CFAP206: variants seen among roughly 807,000 people sequenced by gnomAD.
CFAP206 encodes the protein cilia and flagella associated protein 206, also known as cilia- and flagella-associated protein 206.
CFAP206 carries 53 observed loss-of-function variants against 65.4 expected under a neutral mutation model. The ratio of observed to expected loss-of-function variants is 0.81; its 90% CI spans 0.65 to 1.02. The LOEUF (loss-of-function observed/expected upper bound fraction) is 1.02, where lower values mean the gene tolerates loss of function less well. Among genes scored for constraint, CFAP206 ranks in the 50% least tolerant of loss-of-function variants. The probability of loss-of-function intolerance (pLI) is 0.00; values close to 1 mark genes in which losing one functional copy is unlikely to be tolerated. For synonymous variants in CFAP206, 250 were observed against 254.4 expected (o/e 0.98, Z 0.17); for missense variants, 663 against 753.2 (o/e 0.88, Z 1.40).
At chr6:87,438,783 TGGAGA>T (rs1768318305) in intron 11 of CFAP206, among the ~76,000 whole-genome samples, 1 of 152,198 alleles carries the variant, frequency 6.6e-6, no homozygotes, top group African/African-American at 2.4e-5. Context: ...TTAGTCTATT[TGGAGA>T]TAATAAAGGA....
chr6:87,454,855 A>AAAC (rs899868037), intron 11 of CFAP206, among the ~76,000 whole-genome samples: 2 of 150,366 alleles, frequency 1.3e-5, no homozygotes, highest in African/African-American at 4.9e-5. Context: ...AAAAAAAAAA[A>AAAC]AAAACAAAAC....
At chr6:87,441,612 C>T (rs1768361259) in intron 11 of CFAP206, 1 of 171,736 alleles carries the variant, frequency 5.8e-6, no homozygotes, top group Non-Finnish European at 1.2e-5. Context: ...TGGTCAAGCT[C>T]ACTATCAGAA....
intron 4 of CFAP206, among the ~76,000 whole-genome samples, chr6:87,415,115 G>A (rs1424555935): frequency 6.6e-6 from 1 of 151,958 alleles, no homozygotes; most frequent in Non-Finnish European, 1.5e-5. Context: ...GCATATCACA[G>A]GAGGAATGAG....
chr6:87,419,101 C>T (rs915154630), intron 7 of CFAP206, among the ~76,000 whole-genome samples: 1 of 150,312 alleles, frequency 6.7e-6, no homozygotes, highest in Admixed American at 6.6e-5. Flanking sequence ...AGACCCTGAC[C>T]CTGACTCAAA....
At position 87,428,677 on chromosome 6, in the gene CFAP206, A is replaced by G. The variant is rs1422585602; in HGVS notation, c.1012A>G (p.Ile338Val). The G allele has an allele frequency of 6.2e-7, 1 of 1,613,996 alleles. No homozygotes were observed. Among genetic ancestry groups the G allele is most frequent in the East Asian group, 2.2e-5 (1 of 44,858 alleles). ...GTGGACCAGCTTGCAAGACGAAACT[A>G]TTGTGGTTGGTGTCCTCAGTAATTT... The part of the protein sequence containing the change: ...TLWTSLQDET[I>V]VVGVLSNLFT... The change falls in exon 9 of 13, where the codon ATT (isoleucine) becomes GTT (valine). Residue 338 changes from isoleucine to valine, a missense_variant. Ile to Val is a conservative substitution (Grantham distance 29). Coordinates refer to ENST00000369562, the MANE Select transcript of CFAP206 (RefSeq NM_001031743.3).
chr6:87,423,601 G>C (rs1767987467), intron 7 of CFAP206, among the ~76,000 whole-genome samples: 1 of 152,190 alleles, frequency 6.6e-6, no homozygotes, highest in African/African-American at 2.4e-5. Flanking sequence ...CATGTCGAAT[G>C]CAACTTTTAT....
At chr6:87,457,022 T>C (rs146824639) in intron 11 of CFAP206, among the ~76,000 whole-genome samples, 43,300 of 151,178 alleles carry the variant, frequency 0.29, 6,285 homozygotes, top group Admixed American at 0.38. Flanking sequence ...TGGTGGCAGG[T>C]GCCTGTTGTC....
chr6:87,458,804 A>G (rs1768694732), intron 11 of CFAP206, among the ~76,000 whole-genome samples: 1 of 152,160 alleles, frequency 6.6e-6, no homozygotes, highest in Non-Finnish European at 1.5e-5. Context: ...AGAATAACTG[A>G]AAGAGTACAA....
chr6:87,408,835 T>C (rs933835221), intron 1 of CFAP206: 1 of 152,302 alleles, frequency 6.6e-6, no homozygotes, highest in Non-Finnish European at 1.5e-5. Flanking sequence ...CTGGTTTCAC[T>C]GGACAAAATG....
intron 11 of CFAP206, among the ~76,000 whole-genome samples, chr6:87,447,423 A>G (rs1335616655): frequency 6.6e-6 from 1 of 151,998 alleles, no homozygotes; most frequent in African/African-American, 2.4e-5. Context: ...GGAATTCAAT[A>G]TTGAGATAAT....
chr6:87,417,865 C>T (rs1013517983), intron 6 of CFAP206, among the ~76,000 whole-genome samples: 1 of 150,388 alleles, frequency 6.6e-6, no homozygotes, highest in Non-Finnish European at 1.5e-5. Context: ...AAGTGATTCT[C>T]CTGTGCTGGG....
At chr6:87,463,524 A>C (rs1448238123) in intron 12 of CFAP206, among the ~76,000 whole-genome samples, 1 of 152,176 alleles carries the variant, frequency 6.6e-6, no homozygotes, top group Non-Finnish European at 1.5e-5. Context: ...CCTCATGTTT[A>C]CTAATAATCT....
rs34892535 is a variant in CFAP206 at position 87,415,983 on chromosome 6, GAA to G, written c.472+123_472+124del. Reference sequence around the variant, plus strand: ...AAAGATTGAAGTTCCCTTTTTATCTGAAAAAAAAAAAAAAATCAGCACAAATG... The same window carrying G: ...AAAGATTGAAGTTCCCTTTTTATCTGAAAAAAAAAAAAATCAGCACAAATG... On this transcript the variant is annotated intron_variant, in intron 5 of 12. Coordinates refer to ENST00000369562, the MANE Select transcript of CFAP206 (RefSeq NM_001031743.3). 9.1e-3 allele frequency: 4,864 copies of G among 531,690 alleles called. 10 individuals carry two copies. The highest frequency in any genetic ancestry group is 0.022 in the African/African-American group (1,048 of 47,316). 32.9% of individuals were successfully genotyped at this position (531,690 alleles called of 1,614,324 possible).
intron 1 of CFAP206, 52 bp from the exon 2 acceptor site, chr6:87,409,783 T>A: frequency 8.5e-7 from 1 of 1,171,762 alleles, no homozygotes; most frequent in Non-Finnish European, 1.3e-6. Flanking sequence ...AGGAAAAAAA[T>A]AAATTTGCAT....
At chr6:87,445,434 C>T (rs1459949131) in intron 11 of CFAP206, among the ~76,000 whole-genome samples, 1 of 152,098 alleles carries the variant, frequency 6.6e-6, no homozygotes, top group African/African-American at 2.4e-5. Flanking sequence ...TCAGCTCCCA[C>T]TTATAAGTGA....
rs1767700710 is a variant in CFAP206 at position 87,409,829 on chromosome 6, A to AT, written c.-5-3dup. 1 of 1,583,308 alleles carries AT rather than the reference A, an allele frequency of 6.3e-7. No homozygotes were observed. Among genetic ancestry groups the AT allele is most frequent in the Non-Finnish European group, 8.6e-7 (1 of 1,165,038 alleles). ...TTTTTTTAAAAAAAATTGTTGTTTT[A>AT]TTTAGCCAGAATGCCTCCAACTCAG... is the stretch of plus-strand genomic sequence containing the variant. On this transcript the variant is annotated splice_region_variant and splice_polypyrimidine_tract_variant and intron_variant, in intron 1 of 12. Coordinates refer to ENST00000369562, the MANE Select transcript of CFAP206 (RefSeq NM_001031743.3).
chr6:87,411,391 TG>T (rs1284894313), intron 3 of CFAP206, among the ~76,000 whole-genome samples: 2 of 152,244 alleles, frequency 1.3e-5, no homozygotes, highest in Admixed American at 6.5e-5. Flanking sequence ...TATTTGTTGT[TG>T]TCGAGTTGTT....
chr6:87,437,191 A>G (rs1201279791), intron 11 of CFAP206, among the ~76,000 whole-genome samples: 1 of 152,112 alleles, frequency 6.6e-6, no homozygotes, highest in African/African-American at 2.4e-5. Flanking sequence ...GCTGGTCTTG[A>G]ACTCCTGACC....
At position 87,410,669 on chromosome 6, in the gene CFAP206, G is replaced by A. The variant is rs528802257; in HGVS notation, c.192+1G>A. ...AAGTGATGTGCAGAATCTTGTTAAG[G>A]TGATTACCCAACAGTCCTCAAATTT... On this transcript the variant is annotated splice_donor_variant, in intron 3 of 12. Transcript: ENST00000369562. LOFTEE classifies it high-confidence loss of function. 8.1e-6 allele frequency: 13 copies of A among 1,611,728 alleles called. No homozygotes were observed. The South Asian group carries it at 1.4e-4, about 18-fold the overall frequency.
Sources: allele counts gnomAD v4.1 joint callset (sites outside exome capture counted in the v4.1 genomes callset), GRCh38; gene constraint gnomAD v4.1.1; transcripts MANE v1.5; gene names NCBI Gene and HGNC (gene_info 2026-07-23, HGNC 2026-07-21).